SFRP2: variants seen among roughly 807,000 people sequenced by gnomAD.
The protein encoded by SFRP2 is secreted frizzled-related protein 2.
Under a neutral mutation model 26.0 loss-of-function variants are expected in SFRP2, and 16 were observed. That is an observed-to-expected ratio of 0.61 (90% CI 0.42 to 0.93). SFRP2 has a LOEUF of 0.93. Ranked by LOEUF, SFRP2 falls within the 40% of genes least tolerant of loss-of-function variation. The pLI, the probability that SFRP2 is intolerant of heterozygous loss-of-function variation, is 0.00. For synonymous variants in SFRP2, 173 were observed against 167.3 expected (o/e 1.03, Z -0.26); for missense variants, 343 against 392.4 (o/e 0.87, Z 1.06).
At position 153,788,964 on chromosome 4, in the gene SFRP2, C is replaced by T. The variant is rs1213661321; in HGVS notation, c.-129G>A. 3.5e-6 allele frequency: 4 copies of T among 1,151,622 alleles called. No homozygotes were observed. Among genetic ancestry groups the T allele is most frequent in the Admixed American group, 3.3e-5 (1 of 30,178 alleles). 71.3% of individuals were successfully genotyped at this position (1,151,622 alleles called of 1,614,324 possible). On this transcript the variant is annotated 5_prime_UTR_variant, in exon 1 of 3. Transcript: ENST00000274063. Reference sequence around the variant, plus strand: ...CTCGGGGCCCCGAAAAGCTGGCAGCCGGCGGCTGGGGCGCGGAGAAGCGGG... The same window carrying T: ...CTCGGGGCCCCGAAAAGCTGGCAGCTGGCGGCTGGGGCGCGGAGAAGCGGG...
At chr4:153,786,290 C>T (rs1291120240) in intron 1 of SFRP2, among the ~76,000 whole-genome samples, 2 of 152,178 alleles carry the variant, frequency 1.3e-5, no homozygotes, top group Admixed American at 6.5e-5. Flanking sequence ...ATCCTCCCAA[C>T]CTCTGGGAAA....
chr4:153,780,617 A>AT lies in SFRP2; in HGVS notation c.*833dup, dbSNP rs1182978737. ...AGGTAAAACAGGATGTAAAGTTTAT[A>AT]TACAAGAATATAATGTTTATCTGAA... On this transcript the variant is annotated 3_prime_UTR_variant, in exon 3 of 3. Transcript: ENST00000274063. 6.5e-6 allele frequency: 1 copy of AT among 152,684 alleles called. No individual in the cohort carries two copies. The highest frequency in any genetic ancestry group is 1.5e-5 in the Non-Finnish European group (1 of 68,040). 9.5% of individuals were successfully genotyped at this position (152,684 alleles called of 1,614,324 possible). A position where few individuals can be genotyped will look rare whatever the true frequency, so the allele number is the denominator to read the frequency against.
At chr4:153,787,157 A>C (rs986136093) in intron 1 of SFRP2, among the ~76,000 whole-genome samples, 1 of 152,226 alleles carries the variant, frequency 6.6e-6, no homozygotes, top group Non-Finnish European at 1.5e-5. Context: ...AACTGCCCTT[A>C]AGTCCCCTCA....
chr4:153,787,371 G>C (rs1741227697), intron 1 of SFRP2, among the ~76,000 whole-genome samples: 1 of 152,222 alleles, frequency 6.6e-6, no homozygotes, highest in South Asian at 2.1e-4. Context: ...CTTTGCATTT[G>C]CTTTAACTAA....
intron 2 of SFRP2, among the ~76,000 whole-genome samples, chr4:153,784,773 T>TC (rs1166077706): frequency 1.3e-5 from 2 of 152,224 alleles, no homozygotes; most frequent in African/African-American, 4.8e-5. Context: ...AGGGAACATA[T>TC]CTGCTTATGA....
At chr4:153,788,028 T>TA (rs1332841688) in intron 1 of SFRP2, among the ~76,000 whole-genome samples, 1 of 152,254 alleles carries the variant, frequency 6.6e-6, no homozygotes, top group Non-Finnish European at 1.5e-5. Flanking sequence ...TATTTTTTTT[T>TA]AAACCGCCGT....
In SFRP2 at chr4:153,785,644, A is replaced by G. The variant is rs184904203; in HGVS notation, c.583+220T>C. On this transcript the variant is annotated intron_variant, in intron 2 of 2. Coordinates refer to ENST00000274063, the MANE Select transcript of SFRP2 (RefSeq NM_003013.3). ...TTCATTATTTGATTATTGGCTTAAC[A>G]GAACAATGAGTCTCACCTAACAAGA... Among the ~76,000 whole-genome samples, 161 of 151,302 alleles carry G rather than the reference A, an allele frequency of 1.1e-3. 1 individual carries two copies. The highest frequency in any genetic ancestry group is 3.9e-3 in the African/African-American group (160 of 41,338).
chr4:153,782,707 T>A (rs1034195366), intron 2 of SFRP2, among the ~76,000 whole-genome samples: 1 of 152,220 alleles, frequency 6.6e-6, no homozygotes, highest in African/African-American at 2.4e-5. Flanking sequence ...TTGCATGAGG[T>A]CACCCAGTTT....
chr4:153,786,321 C>A (rs1320981456), intron 1 of SFRP2, among the ~76,000 whole-genome samples: 1 of 152,148 alleles, frequency 6.6e-6, no homozygotes, highest in Non-Finnish European at 1.5e-5. Context: ...AAAAGTTATT[C>A]CCAAGGCCTT....
At position 153,788,883 on chromosome 4, in the gene SFRP2, G is replaced by A; in HGVS notation, c.-48C>T. 1 of 1,496,570 alleles carries A rather than the reference G, an allele frequency of 6.7e-7. No homozygotes were observed. The highest frequency in any genetic ancestry group is 8.9e-7 in the Non-Finnish European group (1 of 1,128,456). The allele number at this position is 1,496,570 out of a possible 1,614,324, so 92.7% of individuals were successfully genotyped here. On this transcript the variant is annotated 5_prime_UTR_variant, in exon 1 of 3. Transcript: ENST00000274063. ...GGCAGAGGGAGCGGAGCCGGGGAAG[G>A]GCGAGGCGGCCGGAGTTCGAGCTTG...
chr4:153,789,017 G>A lies in SFRP2; in HGVS notation c.-182C>T. ...ACCGGGAGGACAGCGCGGGCGAGGCGCTGCAAGCCCGCGCGCAGCTCCGGG... is the reference window on the plus strand; with the variant it reads ...ACCGGGAGGACAGCGCGGGCGAGGCACTGCAAGCCCGCGCGCAGCTCCGGG... On this transcript the variant is annotated 5_prime_UTR_variant, in exon 1 of 3. Transcript: ENST00000274063. The A allele has an allele frequency of 3.1e-6, 2 of 639,286 alleles. No individual in the cohort carries two copies. Among genetic ancestry groups the A allele is most frequent in the Non-Finnish European group, 4.9e-6 (2 of 406,722 alleles). The allele number at this position is 639,286 out of a possible 1,614,324, so 39.6% of individuals were successfully genotyped here. A position where few individuals can be genotyped will look rare whatever the true frequency, so the allele number is the denominator to read the frequency against.
chr4:153,788,371 G>T lies in SFRP2; in HGVS notation c.465C>A (p.Leu155=), dbSNP rs145111028. The T allele has an allele frequency of 1.2e-6, 2 of 1,613,200 alleles. No homozygotes were observed. Among genetic ancestry groups the T allele is most frequent in the African/African-American group, 2.7e-5 (2 of 75,050 alleles). Residue 155 remains leucine, a synonymous_variant, in exon 1 of 3, where the codon CTC becomes CTA. Transcript: ENST00000274063. ...CTGGCAGGAGGTGGTCGCTGCTAGC[G>T]AGGGGGATGCAAAGGTCGTTGTCCT... is the stretch of plus-strand genomic sequence containing the variant. ...FPQDNDLCIP[L]ASSDHLLPAT... is the part of the protein sequence containing the mutation.
intron 2 of SFRP2, among the ~76,000 whole-genome samples, chr4:153,782,790 A>C (rs1741143540): frequency 6.6e-6 from 1 of 152,168 alleles, no homozygotes. Context: ...GGCAATGTCC[A>C]TGTTTTTGTA....
chr4:153,784,274 A>G (rs1410047356), intron 2 of SFRP2, among the ~76,000 whole-genome samples: 1 of 152,228 alleles, frequency 6.6e-6, no homozygotes, highest in Non-Finnish European at 1.5e-5. Context: ...CTTGCCCTTA[A>G]TGAAGTGATG....
At chr4:153,784,411 G>T (rs570496170) in intron 2 of SFRP2, among the ~76,000 whole-genome samples, 9 of 152,288 alleles carry the variant, frequency 5.9e-5, no homozygotes, top group African/African-American at 1.9e-4. Flanking sequence ...ATGAAACCCC[G>T]TCAGCCCCAT....
chr4:153,788,964 C>G lies in SFRP2; in HGVS notation c.-129G>C. On this transcript the variant is annotated 5_prime_UTR_variant, in exon 1 of 3. Transcript: ENST00000274063. ...CTCGGGGCCCCGAAAAGCTGGCAGC[C>G]GGCGGCTGGGGCGCGGAGAAGCGGG... 8.7e-7 allele frequency: 1 copy of G among 1,151,760 alleles called. No homozygotes were observed. Among genetic ancestry groups the G allele is most frequent in the Non-Finnish European group, 1.1e-6 (1 of 872,390 alleles). 71.3% of individuals were successfully genotyped at this position (1,151,760 alleles called of 1,614,324 possible).
chr4:153,785,747 A>G, intron 2 of SFRP2, 117 bp downstream of exon 2: 1 of 637,802 alleles, frequency 1.6e-6, no homozygotes, highest in Admixed American at 3.1e-5. Context: ...TACATGAGCT[A>G]TAATGGTGTT....
chr4:153,788,226 C>T (rs1249681996), intron 1 of SFRP2, 108 bp downstream of exon 1: 41 of 1,361,344 alleles, frequency 3.0e-5, no homozygotes, highest in South Asian at 8.1e-5. Context: ...CTGCCCTTCC[C>T]GCTACTGGCA....
intron 1 of SFRP2, 125 bp from the exon 2 acceptor site, chr4:153,786,069 T>C (rs1579129863): frequency 5.9e-6 from 3 of 505,814 alleles, no homozygotes; most frequent in African/African-American, 4.0e-5. Flanking sequence ...CCTCAGCTTC[T>C]GCCTCCTCTA....
Sources: allele counts gnomAD v4.1 joint callset (sites outside exome capture counted in the v4.1 genomes callset), GRCh38; gene constraint gnomAD v4.1.1; transcripts MANE v1.5; gene names NCBI Gene and HGNC (gene_info 2026-07-23, HGNC 2026-07-21).